Variants in ZW10 observed in about 807,000 individuals in gnomAD.
The protein encoded by ZW10 is zw10 kinetochore protein, also known as centromere/kinetochore protein zw10 homolog.
A neutral mutation model predicts 87.8 loss-of-function variants in ZW10; 53 were observed. The ratio of observed to expected loss-of-function variants is 0.60; its 90% CI spans 0.48 to 0.76. The LOEUF is 0.76. ZW10 is among the 30% of genes least tolerant of loss of function. The pLI is 0.00. For synonymous variants in ZW10, 312 were observed against 329.2 expected, an observed-to-expected ratio of 0.95 and a Z score of 0.57; for missense variants, 837 against 923.0, an observed-to-expected ratio of 0.91 and a Z score of 1.21.
chr11:113,744,097 T>TAAGC, intron 9 of ZW10, 57 bp from the exon 10 acceptor site: 1 of 1,440,222 alleles, frequency 6.9e-7, no homozygotes, highest in Non-Finnish European at 9.5e-7. Flanking sequence ...AATTCAAATA[T>TAAGC]AAGCACACGG....
At chr11:113,747,363 G>A (rs1953689679) in intron 9 of ZW10, among the ~76,000 whole-genome samples, 168 bp downstream of exon 9, 2 of 152,328 alleles carry the variant, frequency 1.3e-5, no homozygotes, top group Non-Finnish European at 1.5e-5. Context: ...AATGGAAGAG[G>A]TGGAGATTAG....
chr11:113,740,340 T>G (rs1953601925), intron 11 of ZW10, among the ~76,000 whole-genome samples: 1 of 152,128 alleles, frequency 6.6e-6, no homozygotes, highest in African/African-American at 2.4e-5. Flanking sequence ...TGTAATACCA[T>G]CATTTTGAGA....
intron 5 of ZW10, 118 bp downstream of exon 5, chr11:113,760,091 C>T: frequency 7.9e-7 from 1 of 1,264,856 alleles, no homozygotes; most frequent in African/African-American, 1.5e-5. Flanking sequence ...GTGCTCAATA[C>T]AGACATGGAA....
chr11:113,770,918 A>C (rs1205470675), intron 1 of ZW10, among the ~76,000 whole-genome samples: 1 of 150,282 alleles, frequency 6.7e-6, no homozygotes, highest in Non-Finnish European at 1.5e-5. Context: ...CGTTGCACAC[A>C]GGCTCATTAA....
chr11:113,754,823 C>A (rs76605443), intron 7 of ZW10, among the ~76,000 whole-genome samples: 1 of 151,954 alleles, frequency 6.6e-6, no homozygotes, highest in African/African-American at 2.4e-5. Flanking sequence ...CACTATGTTA[C>A]CCATAGCAAT....
At position 113,760,278 on chromosome 11, in the gene ZW10, G is replaced by C. The variant is rs1473835846; in HGVS notation, c.511C>G (p.Gln171Glu). Residue 171 changes from glutamine (Q) to glutamate (E), a missense_variant, in exon 5 of 16, where the codon CAG becomes GAG. Transcript: ENST00000200135. ...SLSMELTIQK[Q>E]NILYHLGEEW... ...TCTCCAAGGTGATAAAGTATGTTCT[G>C]TTTCTGTATTGTGAGCTCCATGCTG... 1.2e-6 allele frequency: 2 copies of C among 1,614,094 alleles called. No individual in the cohort carries two copies. The highest frequency in any genetic ancestry group is 1.7e-6 in the Non-Finnish European group (2 of 1,180,014).
intron 13 of ZW10, 117 bp downstream of exon 13, chr11:113,738,147 G>A: frequency 1.8e-6 from 2 of 1,142,188 alleles, no homozygotes; most frequent in Non-Finnish European, 2.4e-6. Context: ...CAAAGGTGGG[G>A]GTGCAGGGAA....
In ZW10 at chr11:113,741,615, T is replaced by C. The variant is rs540202328; in HGVS notation, c.1583+79A>G. 2.5e-5 allele frequency: 23 copies of C among 918,140 alleles called. No individual in the cohort carries two copies. In the African/African-American group the frequency reaches 3.3e-4, roughly 13 times the overall value. 56.9% of individuals were successfully genotyped at this position (918,140 alleles called of 1,614,324 possible). A position where few individuals can be genotyped will look rare whatever the true frequency, so the allele number is the denominator to read the frequency against. On this transcript the variant is annotated intron_variant, in intron 11 of 15. Coordinates refer to ENST00000200135, the MANE Select transcript of ZW10 (RefSeq NM_004724.4). ...AAACAAAATATCTTTAGTGGGAATA[T>C]AAAATTATTTGTTTTAACTTAACTT... is the stretch of plus-strand genomic sequence containing the variant.
Position 113,768,866 on chromosome 11 carries a change from G to A in ZW10, c.207C>T (p.Asp69=). 1 of 1,614,154 alleles carries A rather than the reference G, an allele frequency of 6.2e-7. No individual in the cohort carries two copies. The highest frequency in any genetic ancestry group is 8.5e-7 in the Non-Finnish European group (1 of 1,180,034). ...CTATCCTGGATTTCAGCAGGTCAAT[G>A]TCTTCAGATAGCTTATCCACCTGGG... ...LITQVDKLSE[D]IDLLKSRIES... Residue 69 remains aspartate (D), a synonymous_variant, in exon 2 of 16, where the codon GAC becomes GAT. Transcript: ENST00000200135.
intron 2 of ZW10, among the ~76,000 whole-genome samples, chr11:113,765,188 T>C (rs1216008543): frequency 6.6e-6 from 1 of 152,226 alleles, no homozygotes; most frequent in Non-Finnish European, 1.5e-5. Context: ...CTTTATATAC[T>C]CTTTCTGGGC....
intron 1 of ZW10, among the ~76,000 whole-genome samples, chr11:113,772,818 C>CAAAAAAAAAA (rs58651654): frequency 3.2e-5 from 3 of 93,522 alleles, no homozygotes; most frequent in African/African-American, 7.6e-5. Context: ...ACTAAAAATA[C>CAAAAAAAAAA]AAAAAAAAAA....
chr11:113,745,061 C>G (rs1318129109), intron 9 of ZW10, among the ~76,000 whole-genome samples: 2 of 151,694 alleles, frequency 1.3e-5, no homozygotes, highest in African/African-American at 4.8e-5. Flanking sequence ...AGAAATAACT[C>G]ATTCTCATTC....
chr11:113,736,808 T>C lies in ZW10; in HGVS notation c.2031A>G (p.Glu677=). ...ATAAGGAATATAACCTATCACCATC[T>C]TCAGTAGATATGTCCTGGTTTTGCA... is the stretch of plus-strand genomic sequence containing the variant. ...KITALEDIST[E]DGDRLYSLCK... Residue 677 remains glutamate (E), a synonymous_variant, in exon 15 of 16, where the codon GAA becomes GAG. Transcript: ENST00000200135. 4 of 1,614,102 alleles carry C rather than the reference T, an allele frequency of 2.5e-6. No individual in the cohort carries two copies. Among genetic ancestry groups the C allele is most frequent in the South Asian group, 1.1e-5 (1 of 91,072 alleles).
At chr11:113,773,107 A>C (rs1175012669) in intron 1 of ZW10, among the ~76,000 whole-genome samples, 1 of 151,706 alleles carries the variant, frequency 6.6e-6, no homozygotes, top group Non-Finnish European at 1.5e-5. Context: ...GAGTGGGTGG[A>C]GGAAATAAAC....
In ZW10 at chr11:113,733,688, A is replaced by G. The variant is rs1555031308; in HGVS notation, c.*6T>C. 2.5e-6 allele frequency: 4 copies of G among 1,614,022 alleles called. No individual in the cohort carries two copies. The highest frequency in any genetic ancestry group is 3.4e-4 in the Middle Eastern group (2 of 5,968). ...TTCAAGACATAGCTTTCTTAAGAAG[A>G]TGGAGCTATTTAATTTTAGCAAGGG... is the stretch of plus-strand genomic sequence containing the variant. On this transcript the variant is annotated 3_prime_UTR_variant, in exon 16 of 16. Coordinates refer to ENST00000200135, the MANE Select transcript of ZW10 (RefSeq NM_004724.4).
At chr11:113,766,009 C>T (rs1953903882) in intron 2 of ZW10, among the ~76,000 whole-genome samples, 1 of 152,192 alleles carries the variant, frequency 6.6e-6, no homozygotes, top group South Asian at 2.1e-4. Flanking sequence ...AATGCTGATA[C>T]TCTGGCTACT....
At chr11:113,769,103 T>A (rs942170207) in intron 1 of ZW10, 136 bp from the exon 2 acceptor site, 1 of 785,880 alleles carries the variant, frequency 1.3e-6, no homozygotes, top group Non-Finnish European at 2.0e-6. Context: ...TCACTTTCCC[T>A]CCAAGCCAAT....
At position 113,758,722 on chromosome 11, in the gene ZW10, A is replaced by C; in HGVS notation, c.581-16T>G. ...CTGCTGGTATCTAAGAAAAAGGAAG[A>C]AAAATATCAGCTGTCTCACCAATAT... On this transcript the variant is annotated splice_polypyrimidine_tract_variant and intron_variant, in intron 5 of 15. Transcript: ENST00000200135. 1 of 1,613,362 alleles carries C rather than the reference A, an allele frequency of 6.2e-7. No individual in the cohort carries two copies. The highest frequency in any genetic ancestry group is 1.3e-5 in the African/African-American group (1 of 75,026).
At chr11:113,752,974 T>A (rs910537564) in intron 7 of ZW10, among the ~76,000 whole-genome samples, 4 of 152,170 alleles carry the variant, frequency 2.6e-5, no homozygotes, top group Admixed American at 2.6e-4. Context: ...AAGACTGGGT[T>A]TTTTTAGTGT....
Sources: allele counts gnomAD v4.1 joint callset (sites outside exome capture counted in the v4.1 genomes callset), GRCh38; gene constraint gnomAD v4.1.1; transcripts MANE v1.5; gene names NCBI Gene and HGNC (gene_info 2026-07-23, HGNC 2026-07-21).